Variants in DENND6A observed in about 807,000 individuals in gnomAD.
The protein encoded by DENND6A is protein DENND6A.
In DENND6A, 43 loss-of-function variants were observed where a neutral mutation model predicts 95.5. That is an observed-to-expected ratio of 0.45 (90% CI 0.35 to 0.58). The LOEUF (loss-of-function observed/expected upper bound fraction) is 0.58, where lower values mean the gene tolerates loss of function less well. Ranked by LOEUF, DENND6A falls within the 20% of genes least tolerant of loss-of-function variation. The pLI, the probability that DENND6A is intolerant of heterozygous loss-of-function variation, is 0.00. For missense variants in DENND6A, 574 were observed against 736.0 expected, an observed-to-expected ratio of 0.78 and a Z score of 2.55; for synonymous variants, 257 against 260.4, an observed-to-expected ratio of 0.99 and a Z score of 0.13.
chr3:57,674,808 C>T (rs2071682389), intron 1 of DENND6A, among the ~76,000 whole-genome samples: 1 of 152,182 alleles, frequency 6.6e-6, no homozygotes, highest in African/African-American at 2.4e-5. Context: ...AGAATGGGAT[C>T]ATGTCTTTTA....
At chr3:57,666,366 A>G in intron 3 of DENND6A, 131 bp from the exon 4 acceptor site, 1 of 740,126 alleles carries the variant, frequency 1.4e-6, no homozygotes, top group South Asian at 2.2e-5. Flanking sequence ...GAGGAAAAAA[A>G]GAAAATCCTA....
intron 9 of DENND6A, chr3:57,654,746 C>T: frequency 1.0e-6 from 1 of 985,336 alleles, no homozygotes; most frequent in Non-Finnish European, 1.2e-6. Context: ...GAAAGGAGCG[C>T]CTACACTCAA....
At chr3:57,657,802 C>A in intron 8 of DENND6A, 67 bp from the exon 9 acceptor site, 2 of 986,942 alleles carry the variant, frequency 2.0e-6, no homozygotes, top group South Asian at 3.0e-5. Context: ...TAAAATATAT[C>A]TATCTCATGA....
chr3:57,633,450 T>C, intron 14 of DENND6A, 96 bp from the exon 15 acceptor site: 1 of 987,144 alleles, frequency 1.0e-6, no homozygotes, highest in Non-Finnish European at 1.5e-6. Context: ...TATACATTTA[T>C]ACTTGATATT....
intron 5 of DENND6A, 66 bp downstream of exon 5, chr3:57,663,570 A>G: frequency 8.4e-7 from 1 of 1,188,216 alleles, no homozygotes; most frequent in Non-Finnish European, 1.2e-6. Flanking sequence ...TCTTAAATCT[A>G]ACACTTTCTA....
intron 1 of DENND6A, among the ~76,000 whole-genome samples, chr3:57,676,375 T>TAAAAAAA (rs35465829): frequency 1.1e-5 from 1 of 87,348 alleles, no homozygotes; most frequent in South Asian, 4.9e-4. Context: ...TAAGATTATT[T>TAAAAAAA]AAAAAAAAAA....
In DENND6A at chr3:57,661,532, T is replaced by C. The variant is rs1481687048; in HGVS notation, c.533A>G (p.Lys178Arg). The C allele has an allele frequency of 1.3e-6, 2 of 1,579,724 alleles. No individual in the cohort carries two copies. Among genetic ancestry groups the C allele is most frequent in the South Asian group, 1.2e-5 (1 of 83,450 alleles). ...YFQKSLVLIS[K>R]LPYIHFFHTV... ...GTGAAAAAAATGAATATAAGGTAGT[T>C]TGCTGATCAAAACCAAGGACTGAGG... is the stretch of plus-strand genomic sequence containing the variant. Residue 178 changes from lysine (K) to arginine (R), a missense_variant, in exon 6 of 20, where the codon AAA becomes AGA. Lys to Arg is a conservative substitution (Grantham distance 26, BLOSUM62 2). Around this residue, in one of 2 missense-constraint regions of DENND6A, gnomAD observed 452 missense variants for 630.9 expected, o/e 0.72. Coordinates refer to ENST00000311128, the MANE Select transcript of DENND6A (RefSeq NM_152678.3).
At chr3:57,662,875 T>G (rs1386878221) in intron 5 of DENND6A, among the ~76,000 whole-genome samples, 1 of 151,690 alleles carries the variant, frequency 6.6e-6, no homozygotes. Context: ...TCCCAGCACT[T>G]TGGGAAGTCG....
intron 9 of DENND6A, among the ~76,000 whole-genome samples, chr3:57,650,421 TACACACACACAC>T (rs67472290): frequency 1.3e-5 from 2 of 149,870 alleles, no homozygotes; most frequent in African/African-American, 4.9e-5. Flanking sequence ...TGCATTTACA[TACACACACACAC>T]ACACACACAC....
At chr3:57,691,585 G>A (rs892520220) in intron 1 of DENND6A, among the ~76,000 whole-genome samples, 9 of 143,576 alleles carry the variant, frequency 6.3e-5, no homozygotes, top group Admixed American at 2.2e-4. Context: ...CAGTAGCTTC[G>A]CATTAAGAAA....
chr3:57,688,147 C>A (rs1048688557), intron 1 of DENND6A, among the ~76,000 whole-genome samples: 5 of 151,918 alleles, frequency 3.3e-5, no homozygotes, highest in Non-Finnish European at 7.4e-5. Flanking sequence ...AGGAATGTGC[C>A]ACCAAGCTGC....
chr3:57,689,415 A>G (rs528696192), intron 1 of DENND6A, among the ~76,000 whole-genome samples: 30 of 152,294 alleles, frequency 2.0e-4, no homozygotes, highest in Admixed American at 3.9e-4. Context: ...GAGGTACAGT[A>G]TATCAAACCC....
rs1371992324 is a variant in DENND6A at position 57,692,968 on chromosome 3, C to A, written c.51G>T (p.Leu17Phe). Residue 17 changes from leucine (L) to phenylalanine (F), a missense_variant, in exon 1 of 20, where the codon TTG becomes TTT. Physicochemically the swap from Leu to Phe is conservative, Grantham distance 22. Around this residue, in one of 2 missense-constraint regions of DENND6A, gnomAD observed 122 missense variants for 105.1 expected, o/e 1.16. Transcript: ENST00000311128. ...CCTCGGCCCCTGCCACCGCTTCGTC[C>A]AACGGCCTTCGAGAGCCGGGCCCCA... Reference protein sequence around the residue: ...AGLGPGSRRPLDEAVAGAEGR... With the variant: ...AGLGPGSRRPFDEAVAGAEGR... 6.5e-7 allele frequency: 1 copy of A among 1,536,364 alleles called. No individual in the cohort carries two copies. The highest frequency in any genetic ancestry group is 8.7e-7 in the Non-Finnish European group (1 of 1,150,058).
At chr3:57,640,673 G>C (rs188972252) in intron 12 of DENND6A, among the ~76,000 whole-genome samples, 2 of 152,304 alleles carry the variant, frequency 1.3e-5, no homozygotes, top group Admixed American at 6.5e-5. Context: ...CCATTGTCAT[G>C]TCGGAGAGAT....
intron 3 of DENND6A, among the ~76,000 whole-genome samples, chr3:57,670,494 T>C (rs2071597883): frequency 6.6e-6 from 1 of 152,222 alleles, no homozygotes; most frequent in Non-Finnish European, 1.5e-5. Context: ...ATTAAGCTGG[T>C]ACCATCTCCA....
chr3:57,629,981 G>A (rs536776133), intron 18 of DENND6A, among the ~76,000 whole-genome samples: 2 of 152,300 alleles, frequency 1.3e-5, no homozygotes, highest in African/African-American at 2.4e-5. Context: ...TCTCTGGTTT[G>A]TAGCATTTGC....
Position 57,666,200 on chromosome 3 carries a change from G to A in DENND6A, c.355C>T (p.Arg119Ter), listed in dbSNP as rs748873692. Residue 119 changes from arginine to a stop codon, truncating the protein, a stop_gained, in exon 4 of 20, where the codon CGA becomes TGA. Coordinates refer to ENST00000311128, the MANE Select transcript of DENND6A (RefSeq NM_152678.3). LOFTEE classifies it high-confidence loss of function. ...LGDTQFCFRFRQSSGRRVSLH... is the reference protein window; with the variant it reads ...LGDTQFCFRF ...GACACCCTCCTCCCAGAAGACTGTC[G>A]AAATCTAAAACAAAACTGGGTATCT... 1.9e-6 allele frequency: 3 copies of A among 1,613,322 alleles called. No individual in the cohort carries two copies. Among genetic ancestry groups the A allele is most frequent in the East Asian group, 4.5e-5 (2 of 44,834 alleles).
intron 6 of DENND6A, 102 bp from the exon 7 acceptor site, chr3:57,660,941 AAATATACCTGGAAG>A: frequency 1.0e-6 from 1 of 993,226 alleles, no homozygotes; most frequent in Non-Finnish European, 1.4e-6. Flanking sequence ...ACAGCAGAAA[AAATATACCTGGAAG>A]AATGAGAGAT....
At chr3:57,649,583 A>T (rs1288789715) in intron 9 of DENND6A, among the ~76,000 whole-genome samples, 2 of 151,958 alleles carry the variant, frequency 1.3e-5, no homozygotes, top group Admixed American at 6.6e-5. Context: ...CACAATGCAC[A>T]ATTGCAAAAA....
Sources: gnomAD v4.1 joint callset for allele counts (sites outside exome capture counted in the v4.1 genomes callset) on GRCh38, gnomAD v4.1.1 for gene constraint, gnomAD v4.1.1 regional missense constraint, MANE v1.5 for transcripts, NCBI Gene and HGNC (gene_info 2026-07-23, HGNC 2026-07-21) for gene names.